Variants in CAMK1D observed in about 807,000 individuals in gnomAD.
CAMK1D encodes the protein calcium/calmodulin dependent protein kinase ID, also known as calcium/calmodulin-dependent protein kinase type 1D.
In CAMK1D, 9 loss-of-function variants were observed where a neutral mutation model predicts 47.7. The ratio of observed to expected loss-of-function variants is 0.19; its 90% CI spans 0.11 to 0.33. The LOEUF is 0.33. Ranked by LOEUF, CAMK1D falls within the 10% of genes least tolerant of loss-of-function variation. The pLI is 1.00. For synonymous variants in CAMK1D, 184 were observed against 184.9 expected (o/e 0.99, Z 0.04); for missense variants, 291 against 488.7 (o/e 0.60, Z 3.81).
At chr10:12,731,225 A>C (rs934538552) in intron 3 of CAMK1D, among the ~76,000 whole-genome samples, 3 of 152,202 alleles carry the variant, frequency 2.0e-5, no homozygotes, top group Admixed American at 6.5e-5. Context: ...GTGTACGTGC[A>C]AGATTGGCTG....
chr10:12,615,424 G>A (rs905713264), intron 2 of CAMK1D, among the ~76,000 whole-genome samples: 1 of 152,152 alleles, frequency 6.6e-6, no homozygotes, highest in African/African-American at 2.4e-5. Context: ...AACTTAGGGA[G>A]TCTGAGTGTG....
At chr10:12,701,107 C>CT (rs771965542) in intron 3 of CAMK1D, among the ~76,000 whole-genome samples, 3,666 of 138,554 alleles carry the variant, frequency 0.026, 58 homozygotes, top group South Asian at 0.056. Flanking sequence ...ATAGATTCTT[C>CT]TTTTTTTTTT....
At chr10:12,561,401 G>C (rs973703127) in intron 2 of CAMK1D, among the ~76,000 whole-genome samples, 1 of 152,040 alleles carries the variant, frequency 6.6e-6, no homozygotes, top group East Asian at 1.9e-4. Flanking sequence ...GTGAAAACCG[G>C]GCTCTGCGAA....
chr10:12,789,809 T>C (rs2482046), intron 5 of CAMK1D, among the ~76,000 whole-genome samples: 76,606 of 152,200 alleles, frequency 0.5, 20,263 homozygotes, highest in East Asian at 0.71. Context: ...CAACAAGTAC[T>C]TTGTCAGCTC....
At chr10:12,421,424 A>G (rs1840044338) in intron 1 of CAMK1D, among the ~76,000 whole-genome samples, 2 of 151,158 alleles carry the variant, frequency 1.3e-5, no homozygotes, top group South Asian at 4.2e-4. Flanking sequence ...TCCAGCCAGA[A>G]TGATCAAACC....
chr10:12,489,894 CCCGACACCT>C (rs1834329435), intron 1 of CAMK1D, among the ~76,000 whole-genome samples: 1 of 152,164 alleles, frequency 6.6e-6, no homozygotes, highest in Admixed American at 6.5e-5. Flanking sequence ...TGCCAGACGC[CCCGACACCT>C]CCGAGTCTGC....
At chr10:12,463,770 C>T (rs1833508768) in intron 1 of CAMK1D, among the ~76,000 whole-genome samples, 1 of 151,902 alleles carries the variant, frequency 6.6e-6, no homozygotes, top group Non-Finnish European at 1.5e-5. Flanking sequence ...CCTATAAATC[C>T]CCATAATCCG....
At chr10:12,691,048 A>G (rs775834074) in intron 3 of CAMK1D, among the ~76,000 whole-genome samples, 10 of 152,110 alleles carry the variant, frequency 6.6e-5, no homozygotes, top group Non-Finnish European at 1.5e-4. Context: ...GGTCAACACC[A>G]TAGTTCCATG....
intron 3 of CAMK1D, among the ~76,000 whole-genome samples, chr10:12,704,917 G>A (rs1833673031): frequency 6.6e-6 from 1 of 152,202 alleles, no homozygotes. Context: ...CTAGGAACAT[G>A]AAATAAAACC....
chr10:12,413,686 G>T (rs1042451947), intron 1 of CAMK1D, among the ~76,000 whole-genome samples: 1 of 151,680 alleles, frequency 6.6e-6, no homozygotes, highest in Non-Finnish European at 1.5e-5. Flanking sequence ...TGTGGATATT[G>T]AATCTCTGGA....
chr10:12,473,793 G>A (rs1833820150), intron 1 of CAMK1D, among the ~76,000 whole-genome samples: 1 of 152,164 alleles, frequency 6.6e-6, no homozygotes, highest in South Asian at 2.1e-4. Flanking sequence ...CAGGGAAAAG[G>A]ATCTCAAATT....
At chr10:12,802,799 C>T (rs532529992) in intron 6 of CAMK1D, among the ~76,000 whole-genome samples, 5 of 152,318 alleles carry the variant, frequency 3.3e-5, no homozygotes, top group East Asian at 3.9e-4. Flanking sequence ...GGATTACAGG[C>T]GTGAGTCCCC....
At position 12,429,035 on chromosome 10, in the gene CAMK1D, G is replaced by A. The variant is rs572712460; in HGVS notation, c.92+79125G>A. Among the ~76,000 whole-genome samples, 6 of 152,290 alleles carry A rather than the reference G, an allele frequency of 3.9e-5. No homozygotes were observed. The East Asian group carries it at 5.8e-4, about 15-fold the overall frequency. Reference sequence around the variant, plus strand: ...TTATGGTACTTTGCTGTAGCAGCCCGAATGCAGGATGACACTCACTTTGGC... The same window carrying A: ...TTATGGTACTTTGCTGTAGCAGCCCAAATGCAGGATGACACTCACTTTGGC... On this transcript the variant is annotated intron_variant, in intron 1 of 10. Coordinates refer to ENST00000619168, the MANE Select transcript of CAMK1D (RefSeq NM_153498.4).
At position 12,515,257 on chromosome 10, in the gene CAMK1D, A is replaced by G. The variant is rs561992896; in HGVS notation, c.93-37968A>G. Among the ~76,000 whole-genome samples, 10 of 152,086 alleles carry G rather than the reference A, an allele frequency of 6.6e-5. No homozygotes were observed. In the East Asian group the frequency reaches 1.9e-3, roughly 29 times the overall value. On this transcript the variant is annotated intron_variant, in intron 1 of 10. Coordinates refer to ENST00000619168, the MANE Select transcript of CAMK1D (RefSeq NM_153498.4). ...AATTCTGACACAGGCATAGAATCAT[A>G]TTACCACCACCACAATCGGATACAG... is the stretch of plus-strand genomic sequence containing the variant.
chr10:12,521,615 T>C (rs961210146), intron 1 of CAMK1D, among the ~76,000 whole-genome samples: 2 of 152,222 alleles, frequency 1.3e-5, no homozygotes, highest in Admixed American at 6.5e-5. Context: ...CATTTAATAG[T>C]ATCATGCAGG....
chr10:12,392,265 G>A (rs1476535063), intron 1 of CAMK1D, among the ~76,000 whole-genome samples: 1 of 152,136 alleles, frequency 6.6e-6, no homozygotes, highest in Non-Finnish European at 1.5e-5. Context: ...TGGTGCCATT[G>A]CACTCCAGCC....
chr10:12,520,931 GGGGAGA>G (rs1348190121), intron 1 of CAMK1D, among the ~76,000 whole-genome samples: 129 of 28,720 alleles, frequency 4.5e-3, no homozygotes, highest in African/African-American at 0.015. Context: ...AGGAGACCGT[GGGGAGA>G]GGGAGAGGGA....
At chr10:12,407,275 C>T (rs1023999729) in intron 1 of CAMK1D, among the ~76,000 whole-genome samples, 9 of 152,250 alleles carry the variant, frequency 5.9e-5, no homozygotes, top group South Asian at 2.1e-4. Context: ...CTCAGTTGCC[C>T]ATGGGATCCT....
intron 1 of CAMK1D, among the ~76,000 whole-genome samples, chr10:12,378,351 A>G (rs1049456100): frequency 6.6e-6 from 1 of 151,654 alleles, no homozygotes; most frequent in Non-Finnish European, 1.5e-5. Flanking sequence ...TGCTCAGGTG[A>G]TCTCCCTCCT....
Sources: allele counts gnomAD v4.1 joint callset (sites outside exome capture counted in the v4.1 genomes callset), GRCh38; gene constraint gnomAD v4.1.1; transcripts MANE v1.5; gene names NCBI Gene and HGNC (gene_info 2026-07-23, HGNC 2026-07-21).